Variants in MCTP1 observed in about 807,000 individuals in gnomAD.
The protein encoded by MCTP1 is multiple C2 and transmembrane domain containing 1, also known as multiple C2 and transmembrane domain-containing protein 1.
Under a neutral mutation model 120.6 loss-of-function variants are expected in MCTP1, and 69 were observed. The observed-to-expected ratio is 0.57, with a 90% CI of 0.47 to 0.70. MCTP1 has a LOEUF of 0.70. MCTP1 is among the 30% of genes least tolerant of loss of function. The pLI, the probability that MCTP1 is intolerant of heterozygous loss-of-function variation, is 0.00. For synonymous variants in MCTP1, 529 were observed against 493.1 expected (o/e 1.07, Z -0.96); for missense variants, 1,203 against 1,248.8 (o/e 0.96, Z 0.55).
intron 21 of MCTP1, chr5:94,709,052 C>G (rs1755777823): frequency 6.5e-6 from 1 of 152,828 alleles, no homozygotes; most frequent in African/African-American, 2.4e-5. Flanking sequence ...GCTGTTAATG[C>G]CAGCTAAATG....
Position 95,179,175 on chromosome 5 carries a change from G to C in MCTP1, c.720+104681C>G, listed in dbSNP as rs529287855. Reference sequence around the variant, plus strand: ...TGAACAAAGCCTCCAAGAAGTTTGGGACTATGTTAGGCATCCAAACCTAAG... The same window carrying C: ...TGAACAAAGCCTCCAAGAAGTTTGGCACTATGTTAGGCATCCAAACCTAAG... On this transcript the variant is annotated intron_variant, in intron 1 of 22. Coordinates refer to ENST00000515393, the MANE Select transcript of MCTP1 (RefSeq NM_024717.7). 2.6e-5 allele frequency among the ~76,000 whole-genome samples: 4 copies of C among 152,288 alleles called. No homozygotes were observed. In the East Asian group the frequency reaches 7.7e-4, roughly 29 times the overall value.
intron 10 of MCTP1, among the ~76,000 whole-genome samples, chr5:94,908,842 A>G (rs1473337689): frequency 6.6e-6 from 1 of 152,088 alleles, no homozygotes; most frequent in Non-Finnish European, 1.5e-5. Flanking sequence ...GATTACAAGC[A>G]TTCTCTACCT....
intron 1 of MCTP1, among the ~76,000 whole-genome samples, chr5:95,201,370 A>G (rs1750989611): frequency 6.6e-6 from 1 of 152,114 alleles, no homozygotes; most frequent in African/African-American, 2.4e-5. Context: ...ATGATAATAC[A>G]ATATACTACC....
chr5:95,242,641 T>C (rs1273848059), intron 1 of MCTP1, among the ~76,000 whole-genome samples: 1 of 152,162 alleles, frequency 6.6e-6, no homozygotes, highest in African/African-American at 2.4e-5. Context: ...AACTTCCTAA[T>C]AAAAAGGACG....
intron 1 of MCTP1, among the ~76,000 whole-genome samples, chr5:95,161,462 G>A (rs1316306000): frequency 6.6e-6 from 1 of 152,112 alleles, no homozygotes; most frequent in African/African-American, 2.4e-5. Flanking sequence ...GAGGGAAAGG[G>A]GAGATGTTGA....
chr5:95,232,709 C>T (rs1345705811), intron 1 of MCTP1, among the ~76,000 whole-genome samples: 1 of 151,932 alleles, frequency 6.6e-6, no homozygotes, highest in African/African-American at 2.4e-5. Context: ...CCAGCCACCT[C>T]AGCCTCCCAA....
intron 13 of MCTP1, among the ~76,000 whole-genome samples, chr5:94,872,465 C>CA (rs1247040578): frequency 1.3e-5 from 2 of 151,410 alleles, no homozygotes; most frequent in African/African-American, 2.4e-5. Flanking sequence ...TTTTCATATA[C>CA]AAAAAAATAG....
intron 19 of MCTP1, among the ~76,000 whole-genome samples, chr5:94,735,617 C>T (rs1296309104): frequency 6.6e-6 from 1 of 152,092 alleles, no homozygotes; most frequent in African/African-American, 2.4e-5. Flanking sequence ...TTTTGATTTA[C>T]AGGATAGAGT....
intron 1 of MCTP1, among the ~76,000 whole-genome samples, chr5:95,087,378 C>G (rs1188777572): frequency 6.6e-6 from 1 of 152,182 alleles, no homozygotes; most frequent in Non-Finnish European, 1.5e-5. Flanking sequence ...ACACACATTA[C>G]CAGTAGGTAA....
At chr5:95,066,240 T>C (rs1041416489) in intron 1 of MCTP1, among the ~76,000 whole-genome samples, 24 of 152,064 alleles carry the variant, frequency 1.6e-4, no homozygotes, top group Admixed American at 1.6e-3. Flanking sequence ...TCAACAAGTA[T>C]ATGAAAAAAT....
At chr5:95,082,421 T>C (rs1370044090) in intron 1 of MCTP1, among the ~76,000 whole-genome samples, 3 of 152,148 alleles carry the variant, frequency 2.0e-5, no homozygotes, top group South Asian at 2.1e-4. Flanking sequence ...AATATAGACA[T>C]AGATGCTTGG....
At chr5:94,782,453 T>C (rs1156327719) in intron 18 of MCTP1, among the ~76,000 whole-genome samples, 1 of 152,126 alleles carries the variant, frequency 6.6e-6, no homozygotes, top group Non-Finnish European at 1.5e-5. Context: ...GACAAGAGTG[T>C]CTCAGAAGCT....
At chr5:95,237,299 C>T (rs1259353077) in intron 1 of MCTP1, among the ~76,000 whole-genome samples, 2 of 152,192 alleles carry the variant, frequency 1.3e-5, no homozygotes, top group Non-Finnish European at 2.9e-5. Flanking sequence ...TCCCCAGAAA[C>T]ATCCAGGAGA....
intron 1 of MCTP1, among the ~76,000 whole-genome samples, chr5:95,196,702 G>C (rs1750436017): frequency 6.6e-6 from 1 of 152,200 alleles, no homozygotes; most frequent in South Asian, 2.1e-4. Flanking sequence ...GAGCAGTTTG[G>C]TTGGCATGAG....
intron 1 of MCTP1, among the ~76,000 whole-genome samples, chr5:95,260,982 C>T (rs1758421094): frequency 6.6e-6 from 1 of 152,116 alleles, no homozygotes; most frequent in African/African-American, 2.4e-5. Context: ...TTCATTCTAC[C>T]TTTTTAAAAA....
At chr5:95,241,621 A>C (rs905269508) in intron 1 of MCTP1, among the ~76,000 whole-genome samples, 1 of 152,192 alleles carries the variant, frequency 6.6e-6, no homozygotes, top group Non-Finnish European at 1.5e-5. Context: ...TTTATACCAT[A>C]TTTCTATTTG....
At chr5:94,722,807 C>T (rs115347420) in intron 19 of MCTP1, among the ~76,000 whole-genome samples, 1 of 152,080 alleles carries the variant, frequency 6.6e-6, no homozygotes, top group Admixed American at 6.5e-5. Context: ...CTTCTTTGGA[C>T]AAGTATAGAC....
intron 8 of MCTP1, among the ~76,000 whole-genome samples, chr5:94,915,076 GAAGT>G (rs1809705792): frequency 6.6e-6 from 1 of 152,216 alleles, no homozygotes; most frequent in Admixed American, 6.5e-5. Flanking sequence ...CAAGCAAGAA[GAAGT>G]AATTATTTTA....
chr5:95,098,531 A>C (rs1157409648), intron 1 of MCTP1, among the ~76,000 whole-genome samples: 1 of 152,106 alleles, frequency 6.6e-6, no homozygotes, highest in Non-Finnish European at 1.5e-5. Context: ...ATTGCTTCAA[A>C]GAGAATAAAA....
Sources: gnomAD v4.1 joint callset for allele counts (sites outside exome capture counted in the v4.1 genomes callset) on GRCh38, gnomAD v4.1.1 for gene constraint, MANE v1.5 for transcripts, NCBI Gene and HGNC (gene_info 2026-07-23, HGNC 2026-07-21) for gene names.